Variants in UBAP2 observed in about 807,000 individuals in gnomAD.
UBAP2 encodes ubiquitin-associated protein 2.
Under a neutral mutation model 139.6 loss-of-function variants are expected in UBAP2, and 75 were observed. The observed-to-expected ratio is 0.54, with a 90% CI of 0.45 to 0.65. UBAP2 has a LOEUF of 0.65. Ranked by LOEUF, UBAP2 falls within the 30% of genes least tolerant of loss-of-function variation. The pLI is 0.00. For synonymous variants in UBAP2, 526 were observed against 526.2 expected (o/e 1.00, Z 0.01); for missense variants, 1,368 against 1,369.6 (o/e 1.00, Z 0.02).
chr9:33,942,110 G>A (rs1387806811), intron 15 of UBAP2, among the ~76,000 whole-genome samples: 5 of 151,206 alleles, frequency 3.3e-5, no homozygotes, highest in Admixed American at 6.6e-5. Context: ...TCAGGAGATC[G>A]AGACCATCCT....
chr9:34,039,162 C>T (rs1422242802), intron 1 of UBAP2, among the ~76,000 whole-genome samples: 1 of 151,444 alleles, frequency 6.6e-6, no homozygotes, highest in South Asian at 2.1e-4. Context: ...AGCCTCCGCC[C>T]AGCCAGCCGC....
At chr9:33,923,729 T>G in intron 24 of UBAP2, 66 bp downstream of exon 24, 1 of 1,516,210 alleles carries the variant, frequency 6.6e-7, no homozygotes. Flanking sequence ...GGAAGATAGG[T>G]CCCAGGTTTC....
At chr9:34,027,488 G>A (rs750819782) in intron 1 of UBAP2, among the ~76,000 whole-genome samples, 1 of 151,778 alleles carries the variant, frequency 6.6e-6, no homozygotes, top group East Asian at 1.9e-4. Context: ...AGGCCAAGAG[G>A]GGGAGGATCG....
intron 12 of UBAP2, among the ~76,000 whole-genome samples, chr9:33,951,038 T>C (rs1012009726): frequency 6.6e-6 from 1 of 152,206 alleles, no homozygotes; most frequent in African/African-American, 2.4e-5. Flanking sequence ...TCATTATTAA[T>C]TATTATTTGG....
At chr9:34,022,218 C>A (rs1325677334) in intron 1 of UBAP2, among the ~76,000 whole-genome samples, 1 of 151,868 alleles carries the variant, frequency 6.6e-6, no homozygotes, top group African/African-American at 2.4e-5. Flanking sequence ...GCACTCCAAC[C>A]TGGGCAACAA....
At chr9:34,041,814 A>G (rs757348396) in intron 1 of UBAP2, among the ~76,000 whole-genome samples, 5 of 152,118 alleles carry the variant, frequency 3.3e-5, no homozygotes, top group Non-Finnish European at 7.4e-5. Flanking sequence ...ACCTGAGGTC[A>G]GGAGTTCGAG....
At chr9:33,973,094 G>T in intron 7 of UBAP2, 89 bp downstream of exon 7, 1 of 1,115,284 alleles carries the variant, frequency 9.0e-7, no homozygotes, top group Non-Finnish European at 1.3e-6. Flanking sequence ...TCACCATGAT[G>T]ACTAAATTAG....
Position 33,948,466 on chromosome 9 carries a change from C to T in UBAP2, c.1178G>A (p.Ser393Asn). The change falls in exon 13 of 29, where the codon AGT becomes AAT. Residue 393 changes from serine (S) to asparagine (N), a missense_variant. Physicochemically the swap from Ser to Asn is conservative, Grantham distance 46 (BLOSUM62 1). Coordinates refer to ENST00000379238, the MANE Select transcript of UBAP2 (RefSeq NM_001370062.2). ...PSLGQFTTTP[S>N]TQQNSTSHPT... ...GTGACTTGTACTATTCTGCTGTGTA[C>T]TTGGGGTGGTGGTAAACTGGCCCAA... The T allele has an allele frequency of 6.2e-7, 1 of 1,614,146 alleles. No individual in the cohort carries two copies. Among genetic ancestry groups the T allele is most frequent in the Non-Finnish European group, 8.5e-7 (1 of 1,180,022 alleles).
chr9:33,941,840 A>G lies in UBAP2; in HGVS notation c.1738T>C (p.Ser580Pro). ...SLSEPLNTSL[S>P]MTSAVQNSTY... ...GAGTTCTGTACTGCACTGGTCATTG[A>G]TAAAGATGTATTCAAAGGCTCACTG... is the stretch of plus-strand genomic sequence containing the variant. The change falls in exon 16 of 29, where the codon TCA (serine) becomes CCA (proline). Residue 580 changes from serine (S) to proline (P), a missense_variant. Ser to Pro is a moderately conservative substitution (Grantham distance 74, BLOSUM62 -1). Transcript: ENST00000379238. 6.2e-7 allele frequency: 1 copy of G among 1,613,978 alleles called. No homozygotes were observed. Among genetic ancestry groups the G allele is most frequent in the Non-Finnish European group, 8.5e-7 (1 of 1,179,906 alleles).
intron 19 of UBAP2, among the ~76,000 whole-genome samples, chr9:33,930,887 C>G (rs1257806855): frequency 9.2e-6 from 1 of 108,164 alleles, no homozygotes; most frequent in Non-Finnish European, 1.7e-5. Context: ...CAGAGTGAGA[C>G]TGCATCTCAA....
At chr9:34,018,664 C>A (rs1422229209) in intron 1 of UBAP2, among the ~76,000 whole-genome samples, 1 of 152,086 alleles carries the variant, frequency 6.6e-6, no homozygotes, top group Non-Finnish European at 1.5e-5. Flanking sequence ...GAGATCGAGA[C>A]CATCCTGGCT....
chr9:33,978,716 C>T (rs149675927), intron 6 of UBAP2, among the ~76,000 whole-genome samples: 294 of 151,778 alleles, frequency 1.9e-3, no homozygotes, highest in African/African-American at 6.2e-3. Context: ...GGAGGGGGAG[C>T]GTGCAATGAG....
chr9:33,951,637 G>A (rs539323001), intron 12 of UBAP2, among the ~76,000 whole-genome samples: 6 of 151,908 alleles, frequency 3.9e-5, no homozygotes, highest in Non-Finnish European at 8.8e-5. Context: ...GTGAGCCACC[G>A]CGCCCAGCTC....
intron 1 of UBAP2, among the ~76,000 whole-genome samples, chr9:34,030,430 C>T (rs1182160615): frequency 1.3e-5 from 2 of 151,964 alleles, no homozygotes; most frequent in Admixed American, 1.3e-4. Flanking sequence ...GCCTGGGCGA[C>T]AGAGCCAGAT....
Position 33,981,121 on chromosome 9 carries a change from T to TTCTGG in UBAP2, c.520+5638_520+5639insCCAGA, listed in dbSNP as rs1399051175. ...TATTCTGGATATATATATATATATA[T>TTCTGG]ATATATATATATATATTCTGGATAT... On this transcript the variant is annotated intron_variant, in intron 6 of 28. Coordinates refer to ENST00000379238, the MANE Select transcript of UBAP2 (RefSeq NM_001370062.2). Among the ~76,000 whole-genome samples the TTCTGG allele has an allele frequency of 1.9e-4, 2 of 10,786 alleles. 1 individual carries two copies. The highest frequency in any genetic ancestry group is 4.3e-4 in the African/African-American group (2 of 4,700). 7.1% of individuals were successfully genotyped at this position (10,786 alleles called of 152,430 possible).
chr9:33,993,523 T>C (rs1821890487), intron 4 of UBAP2, among the ~76,000 whole-genome samples: 1 of 152,150 alleles, frequency 6.6e-6, no homozygotes. Context: ...ATAAAAATGA[T>C]TAGCCAAGCG....
At chr9:33,994,505 C>T (rs1175836322) in intron 4 of UBAP2, 3 of 147,652 alleles carry the variant, frequency 2.0e-5, no homozygotes, top group Non-Finnish European at 4.5e-5. Flanking sequence ...GGCGGTTAGG[C>T]TCTTCAGTTC....
intron 12 of UBAP2, among the ~76,000 whole-genome samples, chr9:33,949,473 T>C (rs990870563): frequency 6.6e-6 from 1 of 151,820 alleles, no homozygotes; most frequent in Non-Finnish European, 1.5e-5. Context: ...GAAGCCGAGG[T>C]GGGTGGATCA....
chr9:34,028,808 AAAAAAAAAGC>A (rs964154687), intron 1 of UBAP2, among the ~76,000 whole-genome samples: 4 of 151,236 alleles, frequency 2.6e-5, no homozygotes, highest in Admixed American at 2.0e-4. Context: ...ACAAAAAGGA[AAAAAAAAAGC>A]AAAAAAGCCT....
Sources: allele counts gnomAD v4.1 joint callset (sites outside exome capture counted in the v4.1 genomes callset), GRCh38; gene constraint gnomAD v4.1.1; transcripts MANE v1.5; gene names NCBI Gene and HGNC (gene_info 2026-07-23, HGNC 2026-07-21).